LTA4H: variants seen among roughly 807,000 people sequenced by gnomAD.
LTA4H encodes the protein leukotriene A-4 hydrolase.
LTA4H carries 59 observed loss-of-function variants against 89.8 expected under a neutral mutation model. The observed-to-expected ratio is 0.66, with a 90% CI of 0.53 to 0.82. LTA4H has a LOEUF of 0.82. LTA4H is among the 40% of genes least tolerant of loss of function. LTA4H has a pLI of 0.00. For missense variants in LTA4H, 617 were observed against 727.0 expected, an observed-to-expected ratio of 0.85 and a Z score of 1.74; for synonymous variants, 227 against 253.1, an observed-to-expected ratio of 0.90 and a Z score of 0.98.
intron 2 of LTA4H, 57 bp downstream of exon 2, chr12:96,028,998 T>C (rs1002525579): frequency 1.1e-5 from 16 of 1,398,570 alleles, no homozygotes; most frequent in Middle Eastern, 4.3e-4. Context: ...TTAAATTAGT[T>C]AAGAATATGT....
chr12:96,027,286 G>A (rs1430770579), intron 3 of LTA4H, 158 bp downstream of exon 3: 1 of 550,118 alleles, frequency 1.8e-6, no homozygotes, highest in African/African-American at 2.0e-5. Flanking sequence ...AAGATAAAAT[G>A]AAAATATATA....
intron 4 of LTA4H, 140 bp downstream of exon 4, chr12:96,024,339 T>C (rs1950487968): frequency 1.9e-6 from 1 of 535,176 alleles, no homozygotes; most frequent in African/African-American, 1.9e-5. Flanking sequence ...CCACAGCCTC[T>C]TTGTTTACAT....
chr12:96,003,106 G>A, intron 17 of LTA4H, 42 bp from the exon 18 acceptor site: 1 of 1,274,262 alleles, frequency 7.8e-7, no homozygotes, highest in East Asian at 2.4e-5. Flanking sequence ...AGAAAATGAG[G>A]AAGGGGCAGG....
intron 1 of LTA4H, among the ~76,000 whole-genome samples, chr12:96,040,666 G>A (rs994126629): frequency 6.6e-6 from 1 of 152,214 alleles, no homozygotes; most frequent in Non-Finnish European, 1.5e-5. Flanking sequence ...GAGCAGCAAG[G>A]TAGAAGGAGC....
upstream of LTA4H, among the ~76,000 whole-genome samples, chr12:96,036,681 C>CCAA (rs1389929731): frequency 6.6e-6 from 1 of 152,018 alleles, no homozygotes; most frequent in African/African-American, 2.4e-5. Context: ...CGAAGGTGGC[C>CCAA]CAGGCTTTCG....
At chr12:96,007,355 A>G (rs923425704) in intron 15 of LTA4H, among the ~76,000 whole-genome samples, 3 of 152,194 alleles carry the variant, frequency 2.0e-5, no homozygotes, top group Non-Finnish European at 2.9e-5. Flanking sequence ...TTAAGGATAT[A>G]TTTATGTGGT....
At chr12:96,036,981 A>G (rs1336680762), upstream of LTA4H, among the ~76,000 whole-genome samples, 5 of 152,198 alleles carry the variant, frequency 3.3e-5, no homozygotes, top group Admixed American at 2.6e-4. Context: ...ATCAGATCCC[A>G]CAAGACACTG....
rs1430221916 is a variant in LTA4H, at chr12:96,019,851, C to G, written c.639-611G>C. ...CCCTGACCTCATGATCCGCCTGCCT[C>G]GGCCACCCAAATTGCTGGGATTACA... On this transcript the variant is annotated intron_variant, in intron 6 of 18. Transcript: ENST00000228740. 5.3e-5 allele frequency among the ~76,000 whole-genome samples: 8 copies of G among 151,256 alleles called. No homozygotes were observed. The East Asian group carries it at 9.7e-4, about 18-fold the overall frequency.
intron 1 of LTA4H, among the ~76,000 whole-genome samples, chr12:96,040,632 T>C (rs1448637556): frequency 6.6e-6 from 1 of 152,236 alleles, no homozygotes; most frequent in East Asian, 1.9e-4. Context: ...ATCATGATGT[T>C]GGAGCCATGT....
At chr12:96,041,986 C>G (rs982548440) in intron 1 of LTA4H, among the ~76,000 whole-genome samples, 35 of 110,068 alleles carry the variant, frequency 3.2e-4, no homozygotes, top group Non-Finnish European at 5.6e-4. Flanking sequence ...GTTTTTTTTT[C>G]TTTTTTTTTT....
At chr12:96,036,092 G>A (rs1268526113), upstream of LTA4H, among the ~76,000 whole-genome samples, 6 of 151,180 alleles carry the variant, frequency 4.0e-5, no homozygotes, top group Non-Finnish European at 5.9e-5. Context: ...CCGACGGGGA[G>A]GCACAGTAAT....
At chr12:96,028,264 C>T (rs1351218812) in intron 2 of LTA4H, among the ~76,000 whole-genome samples, 2 of 152,172 alleles carry the variant, frequency 1.3e-5, no homozygotes, top group Non-Finnish European at 2.9e-5. Flanking sequence ...CTATCACTTA[C>T]TGGTACTGTA....
At chr12:96,036,246 T>C (rs1490880176), upstream of LTA4H, among the ~76,000 whole-genome samples, 1 of 152,124 alleles carries the variant, frequency 6.6e-6, no homozygotes, top group Non-Finnish European at 1.5e-5. Flanking sequence ...TGAATTTCTA[T>C]AAAAGTTATG....
At chr12:96,009,490 A>C (rs191328522) in intron 14 of LTA4H, 1 of 221,256 alleles carries the variant, frequency 4.5e-6, no homozygotes, top group Admixed American at 5.8e-5. Context: ...AGTTCTAGGC[A>C]CTCAAGACAA....
chr12:96,008,623 C>G (rs1950246027), intron 15 of LTA4H, among the ~76,000 whole-genome samples: 1 of 151,906 alleles, frequency 6.6e-6, no homozygotes, highest in Non-Finnish European at 1.5e-5. Flanking sequence ...CCCCATAAAA[C>G]TTAATTTTCT....
Position 96,035,498 on chromosome 12 carries a change from A to T in LTA4H, c.22T>A (p.Cys8Ser). MPEIVDT[C>S]SLASPASVCR... ...ACGGAAGCCGGAGAGGCCAACGAAC[A>T]GGTATCCACTATCTCGGGCATGGCT... Residue 8 changes from cysteine (C) to serine (S), a missense_variant, in exon 1 of 19, where the codon TGT (cysteine) becomes AGT (serine). Around this residue, in one of 3 missense-constraint regions of LTA4H, gnomAD observed 155 missense variants for 143.3 expected, o/e 1.08. Coordinates refer to ENST00000228740, the MANE Select transcript of LTA4H (RefSeq NM_000895.3). 6.2e-7 allele frequency: 1 copy of T among 1,607,950 alleles called. No homozygotes were observed. The highest frequency in any genetic ancestry group is 8.5e-7 in the Non-Finnish European group (1 of 1,177,246).
chr12:96,021,588 G>C (rs999227417), intron 5 of LTA4H, among the ~76,000 whole-genome samples: 1 of 151,894 alleles, frequency 6.6e-6, no homozygotes. Context: ...GCAATAAGTA[G>C]ATGCCAAAGT....
At chr12:96,043,165 C>T (rs1302857804) in intron 1 of LTA4H, 12 of 663,806 alleles carry the variant, frequency 1.8e-5, no homozygotes, top group Admixed American at 7.8e-5. Context: ...AACTCCCTGA[C>T]GCAACCTGCA....
chr12:96,017,618 C>A, intron 8 of LTA4H, 38 bp from the exon 9 acceptor site: 1 of 1,506,006 alleles, frequency 6.6e-7, no homozygotes. Flanking sequence ...TTTTAGTAAT[C>A]GAATTACAGA....
Sources: gnomAD v4.1 joint callset for allele counts (sites outside exome capture counted in the v4.1 genomes callset) on GRCh38, gnomAD v4.1.1 for gene constraint, gnomAD v4.1.1 regional missense constraint, MANE v1.5 for transcripts, NCBI Gene and HGNC (gene_info 2026-07-23, HGNC 2026-07-21) for gene names.